Variants in CLTC observed in about 807,000 individuals in gnomAD.
The protein encoded by CLTC is clathrin heavy chain 1.
A neutral mutation model predicts 195.8 loss-of-function variants in CLTC; 16 were observed. The ratio of observed to expected loss-of-function variants is 0.08; its 90% CI spans 0.06 to 0.12. The LOEUF (loss-of-function observed/expected upper bound fraction) is 0.12, where lower values mean the gene tolerates loss of function less well. CLTC is among the 10% of genes least tolerant of loss of function. The pLI is 1.00. For synonymous variants in CLTC, 667 were observed against 689.4 expected, an observed-to-expected ratio of 0.97 and a Z score of 0.51; for missense variants, 796 against 2,027.0, an observed-to-expected ratio of 0.39 and a Z score of 11.66.
At chr17:59,677,303 T>C in intron 17 of CLTC, 115 bp downstream of exon 17, 2 of 715,384 alleles carry the variant, frequency 2.8e-6, no homozygotes, top group Non-Finnish European at 4.6e-6. Context: ...GGTGCTTTTT[T>C]AAAACTTTAT....
chr17:59,664,120 T>C (rs891151931), intron 9 of CLTC, 126 bp downstream of exon 9: 9 of 819,306 alleles, frequency 1.1e-5, no homozygotes, highest in African/African-American at 1.8e-5. Flanking sequence ...TTGAAATGTA[T>C]AAAAATTCTC....
In CLTC at chr17:59,685,947, A is replaced by T; in HGVS notation, c.4827+139A>T. 7.4e-6 allele frequency: 5 copies of T among 671,320 alleles called. No individual in the cohort carries two copies. The African/African-American group carries it at 9.2e-5, about 12-fold the overall frequency. The allele number at this position is 671,320 out of a possible 1,614,324, so 41.6% of individuals were successfully genotyped here. A position where few individuals can be genotyped will look rare whatever the true frequency, so the allele number is the denominator to read the frequency against. Reference sequence around the variant, plus strand: ...TCATAAAATATTCCTGTTCTTTTGAAATTTTTTTTTAATAGCTGACAAATG... The same window carrying T: ...TCATAAAATATTCCTGTTCTTTTGATATTTTTTTTTAATAGCTGACAAATG... On this transcript the variant is annotated intron_variant, in intron 30 of 31. Coordinates refer to ENST00000269122, the MANE Select transcript of CLTC (RefSeq NM_004859.4). The surrounding 1 kb of genome is among the most constrained non-coding windows in gnomAD (Gnocchi z 5.0).
At position 59,681,751 on chromosome 17, in the gene CLTC, A is replaced by G. The variant is rs370695546; in HGVS notation, c.3354A>G (p.Lys1118=). ...AACTTGCAAAAGCCCAGTTGCAGAA[A>G]GGAATGGTGAAAGAAGCCATTGATT... ...WSQLAKAQLQ[K]GMVKEAIDSY... Residue 1118 remains lysine (K), a synonymous_variant, in exon 21 of 32, where the codon AAA becomes AAG. Transcript: ENST00000269122. This position sits in a 1 kb window ranked among gnomAD's most constrained non-coding sequence, Gnocchi z 5.0. 46 of 1,614,008 alleles carry G rather than the reference A, an allele frequency of 2.9e-5. No individual in the cohort carries two copies. The highest frequency in any genetic ancestry group is 3.7e-5 in the Non-Finnish European group (44 of 1,179,980).
At position 59,682,915 on chromosome 17, in the gene CLTC, C is replaced by T. The variant is rs769636646; in HGVS notation, c.3774C>T (p.Phe1258=). ...NSTRTWKEVC[F]ACVDGKEFRL... ...GGAAATGTTTATTCTAGGTCTGCTT[C>T]GCCTGTGTAGATGGGAAAGAATTCC... The change falls in exon 24 of 32, where the codon TTC becomes TTT. Residue 1258 remains phenylalanine, a synonymous_variant. Transcript: ENST00000269122. This position sits in a 1 kb window ranked among gnomAD's most constrained non-coding sequence, Gnocchi z 6.8. The T allele has an allele frequency of 6.2e-6, 10 of 1,613,894 alleles. No individual in the cohort carries two copies. The highest frequency in any genetic ancestry group is 2.7e-5 in the African/African-American group (2 of 74,910).
chr17:59,674,435 C>T (rs868347253), intron 15 of CLTC, among the ~76,000 whole-genome samples: 91 of 151,926 alleles, frequency 6.0e-4, no homozygotes, highest in African/African-American at 2.1e-3. Context: ...AACAATGTTT[C>T]GGTAACTAAC....
intron 1 of CLTC, among the ~76,000 whole-genome samples, chr17:59,628,861 C>T (rs566514964): frequency 7.2e-5 from 11 of 152,252 alleles, no homozygotes; most frequent in African/African-American, 2.6e-4. Flanking sequence ...GGGGTTTCAC[C>T]ATGTTGGCCA....
Position 59,666,715 on chromosome 17 carries a change from T to C in CLTC, c.1947+71T>C, listed in dbSNP as rs1276734269. ...AGGTACACTGAAAATGTGTTTGTGGTACTAAATATTAATAATTTCATACCA... is the reference window on the plus strand; with the variant it reads ...AGGTACACTGAAAATGTGTTTGTGGCACTAAATATTAATAATTTCATACCA... On this transcript the variant is annotated intron_variant, in intron 12 of 31. Transcript: ENST00000269122. The surrounding 1 kb of genome is among the most constrained non-coding windows in gnomAD (Gnocchi z 4.9). The C allele has an allele frequency of 1.9e-6, 3 of 1,551,048 alleles. No individual in the cohort carries two copies. The East Asian group carries it at 6.8e-5, about 35-fold the overall frequency.
intron 31 of CLTC, among the ~76,000 whole-genome samples, chr17:59,691,810 A>G (rs544923144): frequency 1.1e-3 from 171 of 151,964 alleles, no homozygotes; most frequent in Non-Finnish European, 1.4e-3. Context: ...GATGGGAGCA[A>G]GATGTTTGAC....
intron 1 of CLTC, among the ~76,000 whole-genome samples, chr17:59,632,894 A>T (rs2143461286): frequency 6.6e-6 from 1 of 152,298 alleles, no homozygotes; most frequent in African/African-American, 2.4e-5. Context: ...TAGTAATGAC[A>T]AAGTTATAAT....
intron 9 of CLTC, among the ~76,000 whole-genome samples, chr17:59,664,318 AAGGC>A (rs2032674033): frequency 6.6e-6 from 1 of 152,156 alleles, no homozygotes; most frequent in African/African-American, 2.4e-5. Flanking sequence ...TTGGGAGGCC[AAGGC>A]AGGCAGATCA....
At chr17:59,637,558 A>C (rs2143475373) in intron 1 of CLTC, among the ~76,000 whole-genome samples, 1 of 149,158 alleles carries the variant, frequency 6.7e-6, no homozygotes, top group East Asian at 2.0e-4. Context: ...GTTTCTTAAA[A>C]AAAAAAAAAA....
At position 59,679,480 on chromosome 17, in the gene CLTC, G is replaced by C; in HGVS notation, c.2880G>C (p.Leu960=). ...ATCCAGAATTGTGGGGCAGCGTGCTGCTGGAAAGCAATCCTTACAGGAGAC... is the reference window on the plus strand; with the variant it reads ...ATCCAGAATTGTGGGGCAGCGTGCTCCTGGAAAGCAATCCTTACAGGAGAC... ...RKDPELWGSV[L]LESNPYRRPL... is the part of the protein sequence containing the mutation. The change falls in exon 18 of 32, where the codon CTG becomes CTC. Residue 960 remains leucine, a synonymous_variant. Transcript: ENST00000269122. 6.2e-7 allele frequency: 1 copy of C among 1,610,592 alleles called. No individual in the cohort carries two copies. The highest frequency in any genetic ancestry group is 1.3e-5 in the African/African-American group (1 of 74,986).
Position 59,686,316 on chromosome 17 carries a change from G to T in CLTC, c.4827+508G>T, listed in dbSNP as rs1383090969. Reference sequence around the variant, plus strand: ...GAACATGGGAAAAAAAAAACAAGCTGGGGGTCTAATTGCCTTATAACATTC... The same window carrying T: ...GAACATGGGAAAAAAAAAACAAGCTTGGGGTCTAATTGCCTTATAACATTC... On this transcript the variant is annotated intron_variant, in intron 30 of 31. Transcript: ENST00000269122. 3.3e-5 allele frequency among the ~76,000 whole-genome samples: 5 copies of T among 149,404 alleles called. No homozygotes were observed. The South Asian group carries it at 1.2e-3, about 35-fold the overall frequency.
intron 2 of CLTC, among the ~76,000 whole-genome samples, chr17:59,647,164 C>CAT (rs2032216200): frequency 2.0e-5 from 3 of 152,144 alleles, no homozygotes; most frequent in African/African-American, 7.2e-5. Context: ...CCATGGAAGT[C>CAT]ATACTATCTG....
At chr17:59,631,248 G>A (rs979777700) in intron 1 of CLTC, among the ~76,000 whole-genome samples, 2 of 152,110 alleles carry the variant, frequency 1.3e-5, no homozygotes, top group African/African-American at 4.8e-5. Flanking sequence ...ACATGTATCT[G>A]TGCTAGGCAT....
rs2033084332 is a variant in CLTC at position 59,681,688 on chromosome 17, G to A, written c.3291G>A (p.Glu1097=). 3.7e-6 allele frequency: 6 copies of A among 1,613,808 alleles called. No individual in the cohort carries two copies. The Admixed American group carries it at 6.7e-5, about 18-fold the overall frequency. ...TTGGAAACTTGGATCGGGCATATGA[G>A]TTTGCTGAACGTTGCAATGAACCTG... is the stretch of plus-strand genomic sequence containing the variant. ...EHIGNLDRAY[E]FAERCNEPAV... is the part of the protein sequence containing the mutation. Residue 1097 remains glutamate (E), a synonymous_variant, in exon 21 of 32, where the codon GAG becomes GAA. Coordinates refer to ENST00000269122, the MANE Select transcript of CLTC (RefSeq NM_004859.4). This position sits in a 1 kb window ranked among gnomAD's most constrained non-coding sequence, Gnocchi z 5.0.
intron 1 of CLTC, among the ~76,000 whole-genome samples, chr17:59,641,413 C>T (rs545322215): frequency 1.3e-5 from 2 of 151,524 alleles, no homozygotes; most frequent in African/African-American, 4.8e-5. Flanking sequence ...CCATCCTGGC[C>T]AACATGGTGA....
intron 4 of CLTC, among the ~76,000 whole-genome samples, chr17:59,649,149 G>A (rs996569145): frequency 6.6e-6 from 1 of 152,164 alleles, no homozygotes; most frequent in Non-Finnish European, 1.5e-5. Flanking sequence ...TAGAGCAATG[G>A]TCTGTTTAGT....
intron 5 of CLTC, among the ~76,000 whole-genome samples, chr17:59,651,573 C>G (rs1485489596): frequency 6.6e-6 from 1 of 152,146 alleles, no homozygotes; most frequent in Non-Finnish European, 1.5e-5. Flanking sequence ...TCTTTGGTTT[C>G]CCAGTGCAGA....
Sources: gnomAD v4.1 joint callset for allele counts (sites outside exome capture counted in the v4.1 genomes callset) on GRCh38, gnomAD v4.1.1 for gene constraint, Gnocchi (gnomAD v3.1) non-coding constraint, MANE v1.5 for transcripts, NCBI Gene and HGNC (gene_info 2026-07-23, HGNC 2026-07-21) for gene names.